The following EFCAB5 variants were observed in gnomAD, a reference collection of about 807,000 sequenced individuals.
The protein encoded by EFCAB5 is EF-hand calcium-binding domain-containing protein 5.
In EFCAB5, 131 loss-of-function variants were observed where a neutral mutation model predicts 167.9. The ratio of observed to expected loss-of-function variants is 0.78; its 90% CI spans 0.68 to 0.90. The LOEUF (loss-of-function observed/expected upper bound fraction) is 0.90, where lower values mean the gene tolerates loss of function less well. Ranked by LOEUF, EFCAB5 falls within the 40% of genes least tolerant of loss-of-function variation. EFCAB5 has a pLI of 0.00. For synonymous variants in EFCAB5, 574 were observed against 602.8 expected (o/e 0.95, Z 0.70); for missense variants, 1,663 against 1,745.2 (o/e 0.95, Z 0.84).
chr17:30,093,309 G>A (rs530249325), intron 22 of EFCAB5, among the ~76,000 whole-genome samples: 9 of 152,318 alleles, frequency 5.9e-5, no homozygotes, highest in Non-Finnish European at 1.2e-4. Flanking sequence ...AGAATGGAGA[G>A]CAGCGAGGCT....
At chr17:30,004,627 T>TC in intron 7 of EFCAB5, among the ~76,000 whole-genome samples, 1 of 149,948 alleles carries the variant, frequency 6.7e-6, no homozygotes, top group East Asian at 2.0e-4. Flanking sequence ...GGGCACTTTT[T>TC]TTTTTTTTTT....
At chr17:30,061,527 A>T (rs1384635271) in intron 14 of EFCAB5, among the ~76,000 whole-genome samples, 1 of 152,160 alleles carries the variant, frequency 6.6e-6, no homozygotes, top group Non-Finnish European at 1.5e-5. Context: ...TCAAAATGGA[A>T]GATTTCTATA....
At chr17:29,954,733 T>C (rs1192723436) in intron 3 of EFCAB5, among the ~76,000 whole-genome samples, 2 of 152,162 alleles carry the variant, frequency 1.3e-5, no homozygotes, top group South Asian at 2.1e-4. Context: ...AACCCCAGAA[T>C]GATAGATTCA....
At chr17:30,101,325 A>G (rs1597577694) in intron 22 of EFCAB5, among the ~76,000 whole-genome samples, 1 of 152,322 alleles carries the variant, frequency 6.6e-6, no homozygotes, top group Non-Finnish European at 1.5e-5. Flanking sequence ...TGGTCATATT[A>G]TATATATTTG....
At chr17:29,955,633 G>A (rs974491767) in intron 3 of EFCAB5, among the ~76,000 whole-genome samples, 2 of 151,920 alleles carry the variant, frequency 1.3e-5, no homozygotes, top group African/African-American at 4.8e-5. Context: ...TCTCTACAAG[G>A]AGAACTACAA....
At chr17:30,048,890 A>G (rs1415061790) in intron 8 of EFCAB5, among the ~76,000 whole-genome samples, 1 of 152,168 alleles carries the variant, frequency 6.6e-6, no homozygotes, top group African/African-American at 2.4e-5. Flanking sequence ...ATTCACAACA[A>G]CTATTGGTCT....
intron 14 of EFCAB5, chr17:30,069,282 G>T (rs2070663870): frequency 6.7e-7 from 1 of 1,496,630 alleles, no homozygotes; most frequent in Admixed American, 1.7e-5. Flanking sequence ...GGAACATGGG[G>T]AGATGGCAAA....
In EFCAB5 at chr17:30,028,609, A is replaced by T. The variant is rs147572461; in HGVS notation, c.1045-5621A>T. Reference sequence around the variant, plus strand: ...TAGGCAGTCTTCAACTATGGGAAACATAAATCAAGGACCTGCCTGATCAAC... The same window carrying T: ...TAGGCAGTCTTCAACTATGGGAAACTTAAATCAAGGACCTGCCTGATCAAC... On this transcript the variant is annotated intron_variant, in intron 7 of 22. Coordinates refer to ENST00000394835, the MANE Select transcript of EFCAB5 (RefSeq NM_198529.4). Among the ~76,000 whole-genome samples, 5 of 152,370 alleles carry T rather than the reference A, an allele frequency of 3.3e-5. No individual in the cohort carries two copies. In the East Asian group the frequency reaches 9.6e-4, roughly 29 times the overall value.
intron 7 of EFCAB5, among the ~76,000 whole-genome samples, chr17:30,028,148 G>A (rs1267510913): frequency 6.6e-6 from 1 of 152,068 alleles, no homozygotes; most frequent in Non-Finnish European, 1.5e-5. Context: ...GCTCAGTGGT[G>A]GTCCACTCTG....
rs1371326831 is a variant in EFCAB5, at chr17:30,091,975, G to T, written c.4042G>T (p.Val1348Leu). Residue 1348 changes from valine (V) to leucine (L), a missense_variant, in exon 21 of 23, where the codon GTG becomes TTG. Transcript: ENST00000394835. ...SIQLLNSMEF[V>L]SLLLYDHTLV... ...CCAACTACTCAATTCCATGGAATTTGTGTCACTGTTGCTCTATGACCATAC... is the reference window on the plus strand; with the variant it reads ...CCAACTACTCAATTCCATGGAATTTTTGTCACTGTTGCTCTATGACCATAC... 6.2e-7 allele frequency: 1 copy of T among 1,613,962 alleles called. No individual in the cohort carries two copies. Among genetic ancestry groups the T allele is most frequent in the Non-Finnish European group, 8.5e-7 (1 of 1,179,862 alleles).
In EFCAB5 at chr17:30,078,217, A is replaced by G; in HGVS notation, c.2740A>G (p.Lys914Glu). The change falls in exon 15 of 23, where the codon AAA (lysine) becomes GAA (glutamate). Residue 914 changes from lysine (K) to glutamate (E), a missense_variant and splice_region_variant. Lys to Glu is a moderately conservative substitution (Grantham distance 56). Transcript: ENST00000394835. ...GMEKESMKKA[K>E]LHIQFPKPHP... is the part of the protein sequence containing the mutation. ...GGTTTCGTGTTTGTGTCTTTTAGCT[A>G]AACTACACATCCAATTTCCAAAGCC... 2 of 1,608,638 alleles carry G rather than the reference A, an allele frequency of 1.2e-6. No individual in the cohort carries two copies. Among genetic ancestry groups the G allele is most frequent in the Non-Finnish European group, 1.7e-6 (2 of 1,176,628 alleles).
At chr17:30,072,317 G>C (rs1385448214) in intron 14 of EFCAB5, among the ~76,000 whole-genome samples, 1 of 151,982 alleles carries the variant, frequency 6.6e-6, no homozygotes, top group African/African-American at 2.4e-5. Context: ...AAATACAGTT[G>C]GAAGTAATAA....
At chr17:30,088,624 A>T (rs901893008) in intron 19 of EFCAB5, among the ~76,000 whole-genome samples, 4 of 152,214 alleles carry the variant, frequency 2.6e-5, no homozygotes, top group African/African-American at 9.6e-5. Flanking sequence ...AATGACTCTC[A>T]CTTGTCAAAT....
intron 22 of EFCAB5, 48 bp downstream of exon 22, chr17:30,092,984 A>G (rs1215864305): frequency 7.0e-7 from 1 of 1,429,112 alleles, no homozygotes; most frequent in Non-Finnish European, 9.6e-7. Flanking sequence ...ACAGCAATAA[A>G]ACACAGTTGT....
chr17:29,944,084 T>G (rs1489610883), intron 3 of EFCAB5, among the ~76,000 whole-genome samples: 1 of 152,192 alleles, frequency 6.6e-6, no homozygotes. Flanking sequence ...TTTTATTTTA[T>G]TTTTATTTTT....
rs145868422 is a variant in EFCAB5 at position 29,946,733 on chromosome 17, C to T, written c.190+3084C>T. Among the ~76,000 whole-genome samples, 449 of 152,070 alleles carry T rather than the reference C, an allele frequency of 3.0e-3. 3 individuals carry two copies. The highest frequency in any genetic ancestry group is 7.3e-3 in the African/African-American group (303 of 41,502). The stretch of plus-strand genomic sequence containing the variant: ...GATTACAGGCGTGAGCCACCACGCC[C>T]GGCTGAGTATGGAAATTTCTTAAAG... On this transcript the variant is annotated intron_variant, in intron 3 of 22. Transcript: ENST00000394835.
chr17:30,059,279 T>A, intron 13 of EFCAB5: 1 of 234,724 alleles, frequency 4.3e-6, no homozygotes, highest in Non-Finnish European at 8.1e-6. Flanking sequence ...AAAAAATTTT[T>A]TTTAAGACTG....
At chr17:29,973,831 T>C (rs1289183047) in intron 4 of EFCAB5, among the ~76,000 whole-genome samples, 8 of 150,840 alleles carry the variant, frequency 5.3e-5, no homozygotes. Flanking sequence ...ATTGACATAA[T>C]TACTGATTTG....
In EFCAB5 at chr17:30,029,201, C is replaced by T. The variant is rs116239869; in HGVS notation, c.1045-5029C>T. Among the ~76,000 whole-genome samples the T allele has an allele frequency of 7.8e-3, 1,183 of 152,242 alleles. 23 individuals carry two copies. The highest frequency in any genetic ancestry group is 0.027 in the African/African-American group (1,125 of 41,532). ...TTTGTTAAGTACAGATGCTCTTTGA[C>T]TTATGATGGGATTACATCCTGGTAA... On this transcript the variant is annotated intron_variant, in intron 7 of 22. Transcript: ENST00000394835.
Sources: allele counts gnomAD v4.1 joint callset (sites outside exome capture counted in the v4.1 genomes callset), GRCh38; gene constraint gnomAD v4.1.1; transcripts MANE v1.5; gene names NCBI Gene and HGNC (gene_info 2026-07-23, HGNC 2026-07-21).